PPARA: variants seen among roughly 807,000 people sequenced by gnomAD.
PPARA encodes peroxisome proliferator activated receptor alpha.
Under a neutral mutation model 42.2 loss-of-function variants are expected in PPARA, and 22 were observed. The observed-to-expected ratio is 0.52, with a 90% CI of 0.37 to 0.74. The LOEUF (loss-of-function observed/expected upper bound fraction) is 0.74. Ranked by LOEUF, PPARA falls within the 30% of genes least tolerant of loss-of-function variation. PPARA has a pLI of 0.00. For missense variants in PPARA, 465 were observed against 608.2 expected, an observed-to-expected ratio of 0.76 and a Z score of 2.48; for synonymous variants, 242 against 239.3, an observed-to-expected ratio of 1.01 and a Z score of -0.10.
At chr22:46,157,874 T>C (rs1039210723) in intron 2 of PPARA, among the ~76,000 whole-genome samples, 1 of 152,188 alleles carries the variant, frequency 6.6e-6, no homozygotes, top group South Asian at 2.1e-4. Context: ...TTTAAGAGAT[T>C]TGCAGATAAA....
intron 4 of PPARA, among the ~76,000 whole-genome samples, chr22:46,214,508 G>T (rs1934259794): frequency 7.0e-6 from 1 of 143,562 alleles, no homozygotes; most frequent in Non-Finnish European, 1.5e-5. Flanking sequence ...GTCCGGAAAT[G>T]TGCAGAGCGG....
At chr22:46,210,524 C>A (rs370173036) in intron 4 of PPARA, among the ~76,000 whole-genome samples, 49 of 151,822 alleles carry the variant, frequency 3.2e-4, no homozygotes, top group African/African-American at 1.1e-3. Flanking sequence ...CTCACTGCAA[C>A]CTCCACCTCC....
chr22:46,207,688 T>TTTA (rs1601749732), intron 4 of PPARA, among the ~76,000 whole-genome samples: 1 of 122,638 alleles, frequency 8.2e-6, no homozygotes, highest in Non-Finnish European at 1.6e-5. Context: ...TTTTTTTTTT[T>TTTA]TTTTTTTTTT....
rs114251870 is a variant in PPARA at position 46,162,387 on chromosome 22, C to G, written c.-127+10417C>G. On this transcript the variant is annotated intron_variant, in intron 2 of 8. Transcript: ENST00000407236. The surrounding 1 kb of genome is among the most constrained non-coding windows in gnomAD (Gnocchi z 6.0). The stretch of plus-strand genomic sequence containing the variant: ...TACACAAACCCCTTCTGGTTCTTCT[C>G]GTGCACTGGGCGTGCCGGAGACACA... Among the ~76,000 whole-genome samples the G allele has an allele frequency of 0.017, 2,661 of 152,266 alleles. 62 individuals carry two copies. The highest frequency in any genetic ancestry group is 0.06 in the African/African-American group (2,505 of 41,536).
In PPARA at chr22:46,160,301, G is replaced by A. The variant is rs748986162; in HGVS notation, c.-127+8331G>A. On this transcript the variant is annotated intron_variant, in intron 2 of 8. Transcript: ENST00000407236. The surrounding 1 kb of genome is among the most constrained non-coding windows in gnomAD (Gnocchi z 4.5). ...ATATAAGAAATCTATATTGGTGTTC[G>A]TTTGTTTGTTTTTGAGATGGAGTCT... 1.3e-5 allele frequency among the ~76,000 whole-genome samples: 2 copies of A among 152,164 alleles called. No homozygotes were observed. Among genetic ancestry groups the A allele is most frequent in the East Asian group, 1.9e-4 (1 of 5,192 alleles).
rs1171084670 is a variant in PPARA, at chr22:46,150,656, C to A, written c.-210+4C>A. 7.3e-6 allele frequency: 1 copy of A among 136,184 alleles called. No individual in the cohort carries two copies. The highest frequency in any genetic ancestry group is 1.6e-5 in the Non-Finnish European group (1 of 62,064). The allele number at this position is 136,184 out of a possible 1,614,324, so 8.4% of individuals were successfully genotyped here. ...CAGGCGGCGGACCGCGGCCCAGGTG[C>A]CCGGGGGCGGGCGGGCGGGCGGGCG... is the stretch of plus-strand genomic sequence containing the variant. On this transcript the variant is annotated splice_donor_region_variant and intron_variant, in intron 1 of 8. Transcript: ENST00000407236. The surrounding 1 kb of genome is among the most constrained non-coding windows in gnomAD (Gnocchi z 7.5).
chr22:46,198,727 C>G (rs1052481941), intron 4 of PPARA, 136 bp downstream of exon 4: 41 of 867,802 alleles, frequency 4.7e-5, no homozygotes, highest in Non-Finnish European at 6.4e-5. Flanking sequence ...ATGGCTCGAT[C>G]TCGGCTCACT....
rs1936268303 is a variant in PPARA at position 46,237,950 on chromosome 22, G to C, written c.*2570G>C. The C allele has an allele frequency of 6.6e-6, 1 of 152,298 alleles. No individual in the cohort carries two copies. Among genetic ancestry groups the C allele is most frequent in the Non-Finnish European group, 1.5e-5 (1 of 68,080 alleles). 9.4% of individuals were successfully genotyped at this position (152,298 alleles called of 1,614,324 possible). Reference sequence around the variant, plus strand: ...TCAAGGAGATGTGGTCCAGGAAAGTGAGCCTCATGGTTTTCAGAGAAGTCA... The same window carrying C: ...TCAAGGAGATGTGGTCCAGGAAAGTCAGCCTCATGGTTTTCAGAGAAGTCA... On this transcript the variant is annotated 3_prime_UTR_variant, in exon 9 of 9. Transcript: ENST00000407236. The surrounding 1 kb of genome is among the most constrained non-coding windows in gnomAD (Gnocchi z 6.7).
At position 46,185,944 on chromosome 22, in the gene PPARA, TATATATATATATATATATATAC is replaced by T. The variant is rs1434312801; in HGVS notation, c.-43+9110_-43+9131del. The stretch of plus-strand genomic sequence containing the variant: ...ATATATATATATATATATATATATA[TATATATATATATATATATATAC>T]ACACACACTAACCTTCAGCATATAG... On this transcript the variant is annotated intron_variant, in intron 3 of 8. Transcript: ENST00000407236. 2.1e-3 allele frequency among the ~76,000 whole-genome samples: 107 copies of T among 50,288 alleles called. 12 individuals are homozygous for T. The highest frequency in any genetic ancestry group is 0.01 in the Admixed American group (39 of 3,814). The allele number at this position is 50,288 out of a possible 152,430, so 33.0% of individuals were successfully genotyped here.
intron 4 of PPARA, among the ~76,000 whole-genome samples, chr22:46,205,555 T>TATATATATATATATG (rs1491143261): frequency 7.5e-5 from 1 of 13,392 alleles, no homozygotes; most frequent in Non-Finnish European, 1.5e-4. Flanking sequence ...TATATATATA[T>TATATATATATATATG]TTTTTTTTTT....
In PPARA at chr22:46,170,624, A is replaced by G. The variant is rs774183310; in HGVS notation, c.-126-6129A>G. Among the ~76,000 whole-genome samples the G allele has an allele frequency of 2.3e-4, 35 of 151,690 alleles. 1 individual carries two copies. Among genetic ancestry groups the G allele is most frequent in the Non-Finnish European group, 3.8e-4 (26 of 67,860 alleles). Reference sequence around the variant, plus strand: ...TGTCAGACTCATTCTGTAAATTTTTATTGAACGTCTGCCTGGTGTAGGAGA... The same window carrying G: ...TGTCAGACTCATTCTGTAAATTTTTGTTGAACGTCTGCCTGGTGTAGGAGA... On this transcript the variant is annotated intron_variant, in intron 2 of 8. Transcript: ENST00000407236.
chr22:46,153,009 C>A lies in PPARA; in HGVS notation c.-127+1039C>A, dbSNP rs77557493. On this transcript the variant is annotated intron_variant, in intron 2 of 8. Coordinates refer to ENST00000407236, the MANE Select transcript of PPARA (RefSeq NM_005036.6). ...ACTGAGGCAGGAGAATCGCTTGAGC[C>A]TGGGAGGTGAAGGTTTTAGTGAACT... Among the ~76,000 whole-genome samples, 917 of 152,286 alleles carry A rather than the reference C, an allele frequency of 6.0e-3. 5 individuals carry two copies. Among genetic ancestry groups the A allele is most frequent in the African/African-American group, 0.021 (853 of 41,550 alleles).
At chr22:46,174,276 A>AGGAAGGAAGGAAGGAAAGG (rs1236515954) in intron 2 of PPARA, among the ~76,000 whole-genome samples, 1 of 150,528 alleles carries the variant, frequency 6.6e-6, no homozygotes, top group Non-Finnish European at 1.5e-5. Flanking sequence ...GAAGGAAGGA[A>AGGAAGGAAGGAAGGAAAGG]ATTATGATAA....
chr22:46,164,292 G>A (rs1385830255), intron 2 of PPARA: 1 of 145,810 alleles, frequency 6.9e-6, no homozygotes, highest in African/African-American at 2.6e-5. Flanking sequence ...CACTCTTGTT[G>A]CCCAGGCTGG....
chr22:46,185,622 C>T (rs952046177), intron 3 of PPARA, among the ~76,000 whole-genome samples: 2 of 151,690 alleles, frequency 1.3e-5, no homozygotes, highest in Non-Finnish European at 2.9e-5. Flanking sequence ...TGGCTGGGCG[C>T]GGTGGCTCAC....
chr22:46,167,171 A>G lies in PPARA; in HGVS notation c.-126-9582A>G, dbSNP rs1927196041. Among the ~76,000 whole-genome samples, 1 of 152,058 alleles carries G rather than the reference A, an allele frequency of 6.6e-6. No individual in the cohort carries two copies. The highest frequency in any genetic ancestry group is 6.6e-5 in the Admixed American group (1 of 15,254). On this transcript the variant is annotated intron_variant, in intron 2 of 8. Transcript: ENST00000407236. This position sits in a 1 kb window ranked among gnomAD's most constrained non-coding sequence, Gnocchi z 4.1. ...CAACAAATGATACCGGAACAACTGG[A>G]TAGCCATATGCAAAAGAACCTCAAC...
rs1434715496 is a variant in PPARA, at chr22:46,242,823, C to T, written c.*7443C>T. On this transcript the variant is annotated 3_prime_UTR_variant, in exon 9 of 9. Transcript: ENST00000407236. The surrounding 1 kb of genome is among the most constrained non-coding windows in gnomAD (Gnocchi z 6.1). ...TCAATGTGGAAATCTGTTCCCTTTA[C>T]CACACTGTATATGCACAGAGCACAA... The T allele has an allele frequency of 6.6e-6, 1 of 152,438 alleles. No individual in the cohort carries two copies. The highest frequency in any genetic ancestry group is 2.4e-5 in the African/African-American group (1 of 41,406). 9.4% of individuals were successfully genotyped at this position (152,438 alleles called of 1,614,324 possible). A position where few individuals can be genotyped will look rare whatever the true frequency, so the allele number is the denominator to read the frequency against.
intron 2 of PPARA, among the ~76,000 whole-genome samples, chr22:46,157,635 C>T (rs1328497473): frequency 6.6e-6 from 1 of 152,162 alleles, no homozygotes; most frequent in African/African-American, 2.4e-5. Flanking sequence ...AATCCTCTTT[C>T]TTTCTGCAAG....
chr22:46,196,040 T>G lies in PPARA; in HGVS notation c.-42-2302T>G, dbSNP rs1932193699. 6.6e-6 allele frequency among the ~76,000 whole-genome samples: 1 copy of G among 152,206 alleles called. No homozygotes were observed. The highest frequency in any genetic ancestry group is 2.1e-4 in the South Asian group (1 of 4,834). Reference sequence around the variant, plus strand: ...GAATCCTGAAAGCAATTCTCAGCGCTGCTGCGTTTCCAGGAGGTAGAAGAA... The same window carrying G: ...GAATCCTGAAAGCAATTCTCAGCGCGGCTGCGTTTCCAGGAGGTAGAAGAA... On this transcript the variant is annotated intron_variant, in intron 3 of 8. Transcript: ENST00000407236. This position sits in a 1 kb window ranked among gnomAD's most constrained non-coding sequence, Gnocchi z 5.6.
Sources: gnomAD v4.1 joint callset for allele counts (sites outside exome capture counted in the v4.1 genomes callset) on GRCh38, gnomAD v4.1.1 for gene constraint, Gnocchi (gnomAD v3.1) non-coding constraint, MANE v1.5 for transcripts, NCBI Gene and HGNC (gene_info 2026-07-23, HGNC 2026-07-21) for gene names.